Variants in PRR5L observed in about 807,000 individuals in gnomAD.
PRR5L encodes proline rich 5 like.
Under a neutral mutation model 36.4 loss-of-function variants are expected in PRR5L, and 21 were observed. The ratio of observed to expected loss-of-function variants is 0.58; its 90% CI spans 0.41 to 0.83. The LOEUF (loss-of-function observed/expected upper bound fraction) is 0.83, where lower values mean the gene tolerates loss of function less well. Among genes scored for constraint, PRR5L ranks in the 40% least tolerant of loss-of-function variants. PRR5L has a pLI of 0.00. For synonymous variants in PRR5L, 188 were observed against 197.0 expected (o/e 0.95, Z 0.38); for missense variants, 381 against 473.3 (o/e 0.80, Z 1.81).
At chr11:36,390,065 C>G (rs1409875681) in intron 1 of PRR5L, among the ~76,000 whole-genome samples, 1 of 152,190 alleles carries the variant, frequency 6.6e-6, no homozygotes, top group Non-Finnish European at 1.5e-5. Context: ...CAGTGCCTGC[C>G]CTTATGGGCC....
chr11:36,368,858 T>C (rs1394954652), intron 1 of PRR5L, among the ~76,000 whole-genome samples: 1 of 152,240 alleles, frequency 6.6e-6, no homozygotes, highest in East Asian at 1.9e-4. Context: ...ATTTTAATTT[T>C]TAATTTCAAA....
chr11:36,396,665 T>C (rs143291480), intron 1 of PRR5L, among the ~76,000 whole-genome samples: 1,631 of 152,308 alleles, frequency 0.011, 11 homozygotes, highest in Middle Eastern at 0.037. Context: ...TTAATCCTCC[T>C]CCAACCCTCA....
chr11:36,320,306 C>T (rs1300813909), intron 1 of PRR5L, among the ~76,000 whole-genome samples: 2 of 138,742 alleles, frequency 1.4e-5, no homozygotes, highest in Non-Finnish European at 1.5e-5. Context: ...TGCAGTGGTG[C>T]GATCTCGGCT....
At chr11:36,371,921 G>A (rs1251003572) in intron 1 of PRR5L, among the ~76,000 whole-genome samples, 1 of 152,112 alleles carries the variant, frequency 6.6e-6, no homozygotes, top group African/African-American at 2.4e-5. Flanking sequence ...AGCTGTGTGT[G>A]GTGGTGCACG....
chr11:36,385,667 C>T (rs1857445597), intron 1 of PRR5L, among the ~76,000 whole-genome samples: 1 of 152,220 alleles, frequency 6.6e-6, no homozygotes, highest in Non-Finnish European at 1.5e-5. Flanking sequence ...TTCCATAGTT[C>T]ACAGTTGACC....
At chr11:36,409,776 C>T (rs1317207728) in intron 3 of PRR5L, among the ~76,000 whole-genome samples, 4 of 152,220 alleles carry the variant, frequency 2.6e-5, no homozygotes, top group Non-Finnish European at 5.9e-5. Flanking sequence ...TAAAACTCCC[C>T]ACACCCTGTG....
intron 1 of PRR5L, among the ~76,000 whole-genome samples, chr11:36,327,784 A>G (rs1388325499): frequency 6.6e-6 from 1 of 152,158 alleles, no homozygotes; most frequent in African/African-American, 2.4e-5. Flanking sequence ...TAACTCTTTC[A>G]ACCAACTGCC....
intron 5 of PRR5L, among the ~76,000 whole-genome samples, chr11:36,435,450 T>C (rs1858584667): frequency 6.6e-6 from 1 of 152,090 alleles, no homozygotes; most frequent in Non-Finnish European, 1.5e-5. Flanking sequence ...GTTTGACCAA[T>C]GGGGAGAGAC....
chr11:36,304,634 T>C (rs1258486129), intron 1 of PRR5L, among the ~76,000 whole-genome samples: 5 of 152,206 alleles, frequency 3.3e-5, no homozygotes, highest in African/African-American at 1.2e-4. Flanking sequence ...ATAATTTTTG[T>C]TTTCACAAAT....
chr11:36,437,840 C>T (rs906035501), intron 6 of PRR5L, among the ~76,000 whole-genome samples: 2 of 152,080 alleles, frequency 1.3e-5, no homozygotes, highest in Admixed American at 6.6e-5. Context: ...TTCTTCTCTC[C>T]CCCTACTTTT....
intron 1 of PRR5L, among the ~76,000 whole-genome samples, chr11:36,391,440 A>C (rs1318413757): frequency 6.6e-6 from 1 of 152,232 alleles, no homozygotes; most frequent in Non-Finnish European, 1.5e-5. Flanking sequence ...GATGAAACTC[A>C]TATAAGCTGA....
intron 7 of PRR5L, 146 bp downstream of exon 7, chr11:36,446,586 C>T: frequency 1.0e-6 from 1 of 977,796 alleles, no homozygotes; most frequent in Non-Finnish European, 1.5e-6. Flanking sequence ...CGTGTTCATT[C>T]ATTCATTCAT....
At chr11:36,371,118 C>T (rs951284238) in intron 1 of PRR5L, among the ~76,000 whole-genome samples, 2 of 152,100 alleles carry the variant, frequency 1.3e-5, no homozygotes, top group African/African-American at 4.8e-5. Flanking sequence ...AGAAATACCC[C>T]ATTGCTAACA....
chr11:36,460,390 C>A (rs1449663283), intron 8 of PRR5L, among the ~76,000 whole-genome samples: 1 of 152,102 alleles, frequency 6.6e-6, no homozygotes, highest in African/African-American at 2.4e-5. Flanking sequence ...CCATCCTTCG[C>A]CCCTCCCCCA....
chr11:36,431,624 C>T (rs987375688), intron 4 of PRR5L, among the ~76,000 whole-genome samples: 2 of 151,984 alleles, frequency 1.3e-5, no homozygotes, highest in East Asian at 1.9e-4. Context: ...ATGAGGGTGG[C>T]GGTTGGGTTT....
At chr11:36,458,575 C>G (rs1859113504) in intron 8 of PRR5L, among the ~76,000 whole-genome samples, 1 of 152,194 alleles carries the variant, frequency 6.6e-6, no homozygotes, top group Non-Finnish European at 1.5e-5. Flanking sequence ...ATTATTTATA[C>G]ACACACACAA....
chr11:36,397,945 G>A (rs188831516), intron 1 of PRR5L, among the ~76,000 whole-genome samples: 7 of 151,760 alleles, frequency 4.6e-5, no homozygotes, highest in South Asian at 2.1e-4. Flanking sequence ...AAAGGCATGC[G>A]CCCCCATGCC....
chr11:36,423,561 C>T (rs1858317408), intron 4 of PRR5L, among the ~76,000 whole-genome samples: 1 of 152,174 alleles, frequency 6.6e-6, no homozygotes. Context: ...AGAGAAGTTT[C>T]AGCTGTTCTT....
At chr11:36,400,451 A>G (rs1259528310) in intron 1 of PRR5L, among the ~76,000 whole-genome samples, 2 of 152,060 alleles carry the variant, frequency 1.3e-5, no homozygotes, top group Non-Finnish European at 2.9e-5. Context: ...AATAGCAAAC[A>G]CTCAGTGAGT....
Sources: gnomAD v4.1 joint callset for allele counts (sites outside exome capture counted in the v4.1 genomes callset) on GRCh38, gnomAD v4.1.1 for gene constraint, MANE v1.5 for transcripts, NCBI Gene and HGNC (gene_info 2026-07-23, HGNC 2026-07-21) for gene names.